NCAPG2: variants seen among roughly 807,000 people sequenced by gnomAD.
The protein encoded by NCAPG2 is condensin-2 complex subunit G2.
Under a neutral mutation model 141.1 loss-of-function variants are expected in NCAPG2, and 53 were observed. The ratio of observed to expected loss-of-function variants is 0.38; its 90% CI spans 0.30 to 0.47. NCAPG2 has a LOEUF of 0.47. Ranked by LOEUF, NCAPG2 falls within the 20% of genes least tolerant of loss-of-function variation. NCAPG2 has a pLI of 0.99. For missense variants in NCAPG2, 1,087 were observed against 1,389.0 expected (o/e 0.78, Z 3.46); for synonymous variants, 499 against 490.7 (o/e 1.02, Z -0.22).
At position 158,655,387 on chromosome 7, in the gene NCAPG2, C is replaced by T. The variant is rs374828432; in HGVS notation, c.2457G>A (p.Pro819=). 8.7e-5 allele frequency: 141 copies of T among 1,614,172 alleles called. 1 individual carries two copies. The highest frequency in any genetic ancestry group is 4.6e-4 in the South Asian group (42 of 91,084). ...GGCGACAGTGGAGACCAAAGGCTCGCGGGGCAGCTGCTTCACTGAAGCCAC... is the reference window on the plus strand; with the variant it reads ...GGCGACAGTGGAGACCAAAGGCTCGTGGGGCAGCTGCTTCACTGAAGCCAC... ...KPRGFSEAAA[P]RAFGLHCRLS... Residue 819 remains proline (P), a synonymous_variant, in exon 20 of 28, where the codon CCG becomes CCA. Transcript: ENST00000356309.
Position 158,644,273 on chromosome 7 carries a change from AAT to A in NCAPG2, c.3380+14_3380+15del. The A allele has an allele frequency of 6.3e-7, 1 of 1,576,296 alleles. No individual in the cohort carries two copies. Among genetic ancestry groups the A allele is most frequent in the Non-Finnish European group, 8.7e-7 (1 of 1,145,610 alleles). On this transcript the variant is annotated intron_variant, in intron 27 of 27. Coordinates refer to ENST00000356309, the MANE Select transcript of NCAPG2 (RefSeq NM_017760.7). ...CAGTTTTAGATGATCACATCTGGTG[AAT>A]ATCTCTCCTTTACCTTTCAATGCTA...
rs758192177 is a variant in NCAPG2, at chr7:158,680,760, A to C, written c.981T>G (p.Leu327=). 2 of 1,606,006 alleles carry C rather than the reference A, an allele frequency of 1.2e-6. No individual in the cohort carries two copies. The highest frequency in any genetic ancestry group is 1.7e-6 in the Non-Finnish European group (2 of 1,175,800). Residue 327 remains leucine, a synonymous_variant, in exon 10 of 28, where the codon CTT becomes CTG. Coordinates refer to ENST00000356309, the MANE Select transcript of NCAPG2 (RefSeq NM_017760.7). ...AAAGGATGGGCTTATATAATCTATA[A>C]AGCATCTCTTCCACTCCCTGCCGAA... ...KKVRQGVEEM[L]YRLYKPILWR... is the part of the protein sequence containing the mutation.
chr7:158,665,642 A>G (rs981104074), intron 13 of NCAPG2, among the ~76,000 whole-genome samples: 2 of 152,098 alleles, frequency 1.3e-5, no homozygotes, highest in African/African-American at 4.8e-5. Flanking sequence ...ACTCAACCTG[A>G]GGTTCCCATC....
chr7:158,672,813 C>T (rs1833830666), intron 12 of NCAPG2, among the ~76,000 whole-genome samples: 1 of 152,192 alleles, frequency 6.6e-6, no homozygotes, highest in South Asian at 2.1e-4. Flanking sequence ...CCTACCTTGC[C>T]AGTTCCCCCA....
At chr7:158,695,630 G>A (rs1374832721) in intron 2 of NCAPG2, among the ~76,000 whole-genome samples, 1 of 152,220 alleles carries the variant, frequency 6.6e-6, no homozygotes, top group African/African-American at 2.4e-5. Context: ...AAGGATGGGG[G>A]ACAAAAGCTG....
At position 158,655,230 on chromosome 7, in the gene NCAPG2, G is replaced by A. The variant is rs368236063; in HGVS notation, c.2534C>T (p.Ser845Phe). The A allele has an allele frequency of 2.5e-5, 41 of 1,613,920 alleles. No homozygotes were observed. In the African/African-American group the frequency reaches 5.5e-4, roughly 22 times the overall value. The change falls in exon 21 of 28, where the codon TCC (serine) becomes TTC (phenylalanine). Residue 845 changes from serine (S) to phenylalanine (F), a missense_variant. Ser to Phe is a radical substitution (Grantham distance 155). Transcript: ENST00000356309. ...CCAAAAGCCAGTGTCTTCCAACATG[G>A]ACAAATACACCTTTCCTTCTGAGCA... ...KFCSEGKVYL[S>F]MLEDTGFWLE...
intron 13 of NCAPG2, among the ~76,000 whole-genome samples, chr7:158,669,768 C>CGAAAAAAAAAA (rs1833555874): frequency 7.5e-5 from 4 of 53,672 alleles, no homozygotes; most frequent in Non-Finnish European, 1.3e-4. Context: ...GACTCTGTCT[C>CGAAAAAAAAAA]AAAAAAAAAA....
At chr7:158,699,599 G>A (rs1345751931) in intron 2 of NCAPG2, among the ~76,000 whole-genome samples, 1 of 152,016 alleles carries the variant, frequency 6.6e-6, no homozygotes, top group Non-Finnish European at 1.5e-5. Context: ...CCACTGCACT[G>A]CACCCTCCCC....
intron 27 of NCAPG2, among the ~76,000 whole-genome samples, chr7:158,637,082 G>A (rs1349702074): frequency 6.6e-6 from 1 of 151,976 alleles, no homozygotes; most frequent in Non-Finnish European, 1.5e-5. Context: ...CGAGCAGCTG[G>A]GACTACAGGC....
chr7:158,704,088 T>G (rs1345198051), intron 1 of NCAPG2, among the ~76,000 whole-genome samples: 5 of 143,846 alleles, frequency 3.5e-5, no homozygotes, highest in South Asian at 2.3e-4. Context: ...GGGGTCGCTC[T>G]CTGAGGGTAG....
At chr7:158,688,456 T>C (rs1474137547) in intron 6 of NCAPG2, among the ~76,000 whole-genome samples, 4 of 152,220 alleles carry the variant, frequency 2.6e-5, no homozygotes, top group Admixed American at 6.5e-5. Flanking sequence ...TAAAATAGTT[T>C]ATTGTTTGAA....
At chr7:158,691,384 T>C (rs901288901) in intron 4 of NCAPG2, among the ~76,000 whole-genome samples, 1 of 152,220 alleles carries the variant, frequency 6.6e-6, no homozygotes, top group East Asian at 1.9e-4. Context: ...AATAAACTGA[T>C]AGTAAAATTC....
At chr7:158,642,332 C>T (rs1830707584) in intron 27 of NCAPG2, among the ~76,000 whole-genome samples, 1 of 152,064 alleles carries the variant, frequency 6.6e-6, no homozygotes, top group Non-Finnish European at 1.5e-5. Context: ...CCCAGGAGTT[C>T]AAGGACAGCT....
chr7:158,691,782 A>G (rs1835132166), intron 4 of NCAPG2, among the ~76,000 whole-genome samples: 1 of 152,066 alleles, frequency 6.6e-6, no homozygotes. Flanking sequence ...GTCAATAATC[A>G]CTCCTCAGAT....
intron 12 of NCAPG2, among the ~76,000 whole-genome samples, chr7:158,673,599 T>C (rs973773077): frequency 6.6e-6 from 1 of 152,214 alleles, no homozygotes; most frequent in Non-Finnish European, 1.5e-5. Context: ...CCAGGAGCAC[T>C]TCCTAATCTG....
intron 22 of NCAPG2, among the ~76,000 whole-genome samples, 177 bp downstream of exon 22, chr7:158,654,418 C>T (rs1308988925): frequency 6.6e-6 from 1 of 152,208 alleles, no homozygotes; most frequent in East Asian, 1.9e-4. Context: ...ATGTCTGACA[C>T]AGAAACACCT....
Position 158,655,219 on chromosome 7 carries a change from C to T in NCAPG2, c.2545G>A (p.Asp849Asn), listed in dbSNP as rs758719164. ...TTGCTTTCTAACCAAAAGCCAGTGT[C>T]TTCCAACATGGACAAATACACCTTT... The part of the protein sequence containing the change: ...EGKVYLSMLE[D>N]TGFWLESKIL... Residue 849 changes from aspartate (D) to asparagine (N), a missense_variant, in exon 21 of 28, where the codon GAC becomes AAC. Transcript: ENST00000356309. The T allele has an allele frequency of 1.2e-6, 2 of 1,614,116 alleles. No homozygotes were observed. Among genetic ancestry groups the T allele is most frequent in the African/African-American group, 1.3e-5 (1 of 75,046 alleles).
At chr7:158,698,431 GT>G in intron 2 of NCAPG2, among the ~76,000 whole-genome samples, 1 of 152,200 alleles carries the variant, frequency 6.6e-6, no homozygotes, top group Non-Finnish European at 1.5e-5. Flanking sequence ...CATTTTTTAT[GT>G]TTTATACTGT....
intron 22 of NCAPG2, among the ~76,000 whole-genome samples, chr7:158,653,677 A>C (rs1338969069): frequency 6.6e-6 from 1 of 152,220 alleles, no homozygotes; most frequent in Non-Finnish European, 1.5e-5. Context: ...GATCCACTAG[A>C]AATTGGACAA....
Sources: gnomAD v4.1 joint callset for allele counts (sites outside exome capture counted in the v4.1 genomes callset) on GRCh38, gnomAD v4.1.1 for gene constraint, MANE v1.5 for transcripts, NCBI Gene and HGNC (gene_info 2026-07-23, HGNC 2026-07-21) for gene names.